The following DNAJC11 variants were observed in gnomAD, a reference collection of about 807,000 sequenced individuals.
DNAJC11 encodes the protein dnaJ homolog subfamily C member 11.
Under a neutral mutation model 78.6 loss-of-function variants are expected in DNAJC11, and 15 were observed. That is an observed-to-expected ratio of 0.19 (90% confidence interval 0.13 to 0.29). The LOEUF (loss-of-function observed/expected upper bound fraction) is 0.29. Ranked by LOEUF, DNAJC11 falls within the 10% of genes least tolerant of loss-of-function variation. DNAJC11 has a pLI of 1.00. For missense variants in DNAJC11, 547 were observed against 709.6 expected (o/e 0.77, Z 2.60); for synonymous variants, 292 against 272.1 (o/e 1.07, Z -0.72).
chr1:6,670,171 G>A (rs1269005989), intron 3 of DNAJC11, among the ~76,000 whole-genome samples: 1 of 151,860 alleles, frequency 6.6e-6, no homozygotes, highest in African/African-American at 2.4e-5. Context: ...TGTTAGCCAG[G>A]ATGGTCTTGC....
chr1:6,651,648 A>G (rs1339725113), intron 6 of DNAJC11, 46 bp from the exon 7 acceptor site: 1 of 1,504,836 alleles, frequency 6.6e-7, no homozygotes, highest in Non-Finnish European at 9.2e-7. Flanking sequence ...GTTTTATCTC[A>G]TAGCAGCAAC....
intron 1 of DNAJC11, among the ~76,000 whole-genome samples, chr1:6,689,518 G>C (rs1642710122): frequency 6.6e-6 from 1 of 152,040 alleles, no homozygotes; most frequent in Non-Finnish European, 1.5e-5. Context: ...CTTAAAAAGG[G>C]GGCTCACGCC....
chr1:6,694,792 C>T (rs555844713), intron 1 of DNAJC11, among the ~76,000 whole-genome samples: 9 of 149,112 alleles, frequency 6.0e-5, no homozygotes, highest in Admixed American at 3.3e-4. Flanking sequence ...GGTGAAACCC[C>T]GTCTCTACTA....
At chr1:6,671,692 C>T (rs1395023089) in intron 3 of DNAJC11, among the ~76,000 whole-genome samples, 18 of 151,188 alleles carry the variant, frequency 1.2e-4, no homozygotes, top group Admixed American at 5.3e-4. Flanking sequence ...CCACCACGCC[C>T]GGCTAATTTT....
intron 1 of DNAJC11, among the ~76,000 whole-genome samples, chr1:6,685,990 G>A (rs193198888): frequency 5.9e-5 from 9 of 152,234 alleles, no homozygotes; most frequent in Admixed American, 3.3e-4. Flanking sequence ...TTCTATTTGC[G>A]GTGATGTCTG....
At chr1:6,686,376 G>A (rs184702489) in intron 1 of DNAJC11, among the ~76,000 whole-genome samples, 23 of 152,282 alleles carry the variant, frequency 1.5e-4, no homozygotes, top group African/African-American at 5.1e-4. Context: ...TAACTGCTGG[G>A]CTAGATGATA....
At chr1:6,672,137 G>A (rs1348730338) in intron 3 of DNAJC11, among the ~76,000 whole-genome samples, 1 of 152,120 alleles carries the variant, frequency 6.6e-6, no homozygotes, top group African/African-American at 2.4e-5. Flanking sequence ...ACCCGGCCTG[G>A]ATAGAAATTT....
intron 1 of DNAJC11, among the ~76,000 whole-genome samples, chr1:6,694,309 A>G (rs1450394983): frequency 6.6e-6 from 1 of 152,142 alleles, no homozygotes; most frequent in Admixed American, 6.5e-5. Flanking sequence ...ATCTCTTGAC[A>G]GTGGATTTGC....
chr1:6,667,609 T>C (rs1642312282), intron 4 of DNAJC11, 100 bp downstream of exon 4: 1 of 985,306 alleles, frequency 1.0e-6, no homozygotes, highest in Non-Finnish European at 1.6e-6. Context: ...TTGTATGTTT[T>C]TACTTTAACA....
intron 6 of DNAJC11, 43 bp downstream of exon 6, chr1:6,652,786 G>A: frequency 1.9e-6 from 3 of 1,612,870 alleles, no homozygotes; most frequent in Middle Eastern, 1.7e-4. Context: ...TCAGAAATAA[G>A]GCTTTGCACA....
At chr1:6,671,334 C>T (rs1292386783) in intron 3 of DNAJC11, among the ~76,000 whole-genome samples, 13 of 149,452 alleles carry the variant, frequency 8.7e-5, no homozygotes, top group Non-Finnish European at 1.3e-4. Flanking sequence ...GCTCCGCCTC[C>T]CGGGTTCACA....
At position 6,647,167 on chromosome 1, in the gene DNAJC11, C is replaced by T. The variant is rs552117028; in HGVS notation, c.705-1189G>A. Among the ~76,000 whole-genome samples, 394 of 150,206 alleles carry T rather than the reference C, an allele frequency of 2.6e-3. 1 individual carries two copies. The highest frequency in any genetic ancestry group is 8.2e-3 in the African/African-American group (335 of 40,782). On this transcript the variant is annotated intron_variant, in intron 7 of 15. Transcript: ENST00000377577. ...GATCTTCTCAGCTCACTGCAACCTC[C>T]GCCTCCTGGATTCAAGTGATTCTCC...
chr1:6,641,431 AC>A (rs2148728143), intron 10 of DNAJC11, among the ~76,000 whole-genome samples: 2 of 149,348 alleles, frequency 1.3e-5, no homozygotes, highest in East Asian at 3.9e-4. Context: ...ACACACACAC[AC>A]AAACAGAGAC....
chr1:6,651,971 G>GGGGGGCACACCCA (rs1478048835), intron 6 of DNAJC11, among the ~76,000 whole-genome samples: 3 of 150,384 alleles, frequency 2.0e-5, no homozygotes, highest in Admixed American at 6.7e-5. Context: ...GGTCCGGTGT[G>GGGGGGCACACCCA]CCCCCCACCC....
intron 4 of DNAJC11, among the ~76,000 whole-genome samples, chr1:6,660,064 A>C (rs1179876678): frequency 2.0e-5 from 3 of 150,578 alleles, no homozygotes; most frequent in Non-Finnish European, 4.4e-5. Context: ...TCAAAAACAA[A>C]AAAAAAAACC....
intron 4 of DNAJC11, among the ~76,000 whole-genome samples, chr1:6,663,511 G>A (rs1003175787): frequency 6.6e-6 from 1 of 152,162 alleles, no homozygotes; most frequent in African/African-American, 2.4e-5. Flanking sequence ...AACACAGAAC[G>A]ACACTGTTAC....
intron 1 of DNAJC11, 148 bp downstream of exon 1, chr1:6,701,581 C>A (rs534186406): frequency 1.5e-4 from 110 of 737,126 alleles, no homozygotes; most frequent in Non-Finnish European, 2.1e-4. Context: ...CTCCATCGGG[C>A]GGCTGGCGTG....
intron 5 of DNAJC11, 33 bp from the exon 6 acceptor site, chr1:6,652,984 C>G (rs1246393217): frequency 6.2e-7 from 1 of 1,613,208 alleles, no homozygotes; most frequent in Non-Finnish European, 8.5e-7. Context: ...ATGAATGAAT[C>G]AAAACAACAG....
Position 6,677,158 on chromosome 1 carries a change from C to CAAAA in DNAJC11, c.276+1232_276+1235dup, listed in dbSNP as rs1181692411. Among the ~76,000 whole-genome samples, 34 of 49,438 alleles carry CAAAA rather than the reference C, an allele frequency of 6.9e-4. 3 individuals are homozygous for CAAAA. The highest frequency in any genetic ancestry group is 2.2e-3 in the South Asian group (3 of 1,350). 32.4% of individuals were successfully genotyped at this position (49,438 alleles called of 152,430 possible). A position where few individuals can be genotyped will look rare whatever the true frequency, so the allele number is the denominator to read the frequency against. On this transcript the variant is annotated intron_variant, in intron 3 of 15. Transcript: ENST00000377577. ...GGGCAACAAGAGCAAAACTTGGTCT[C>CAAAA]AAAAAAAAAAAAAAAACAAAAAAAA...
Sources: gnomAD v4.1 joint callset for allele counts (sites outside exome capture counted in the v4.1 genomes callset) on GRCh38, gnomAD v4.1.1 for gene constraint, MANE v1.5 for transcripts, NCBI Gene and HGNC (gene_info 2026-07-23, HGNC 2026-07-21) for gene names.